TENM3: variants seen among roughly 807,000 people sequenced by gnomAD.
The protein encoded by TENM3 is teneurin-3.
In TENM3, 63 loss-of-function variants were observed where a neutral mutation model predicts 255.1. The ratio of observed to expected loss-of-function variants is 0.25; its 90% CI spans 0.20 to 0.30. The LOEUF is 0.30. Ranked by LOEUF, TENM3 falls within the 10% of genes least tolerant of loss-of-function variation. TENM3 has a pLI of 1.00. For missense variants in TENM3, 2,929 were observed against 3,461.1 expected (o/e 0.85, Z 3.86); for synonymous variants, 1,306 against 1,322.3 (o/e 0.99, Z 0.27).
chr4:182,772,361 C>G (rs1764314930), intron 22 of TENM3, among the ~76,000 whole-genome samples: 2 of 152,154 alleles, frequency 1.3e-5, no homozygotes, highest in African/African-American at 4.8e-5. Context: ...CCCTGGTAAC[C>G]TGTCTTTCTC....
chr4:182,256,389 A>T (rs1250590157), intron 1 of TENM3, among the ~76,000 whole-genome samples: 2 of 152,224 alleles, frequency 1.3e-5, no homozygotes, highest in African/African-American at 4.8e-5. Context: ...AACTGACAAA[A>T]TTGCCCCATC....
rs561419296 is a variant in TENM3, at chr4:182,434,600, T to C, written c.511+87671T>C. On this transcript the variant is annotated intron_variant, in intron 3 of 27. Transcript: ENST00000511685. The stretch of plus-strand genomic sequence containing the variant: ...ATCACTTGAACCCAGGAGGCAGAAG[T>C]TGCAGTGAGCCAAGATCGCACCACT... Among the ~76,000 whole-genome samples, 9 of 151,888 alleles carry C rather than the reference T, an allele frequency of 5.9e-5. No individual in the cohort carries two copies. The South Asian group carries it at 1.9e-3, about 32-fold the overall frequency.
At chr4:181,608,535 A>G in the TENM3 span, among the ~76,000 whole-genome samples, 1 of 151,764 alleles carries the variant, frequency 6.6e-6, no homozygotes, top group East Asian at 1.9e-4. Flanking sequence ...AGTTATTGAG[A>G]ACTAATGCCT....
At chr4:181,986,281 G>T in the TENM3 span, among the ~76,000 whole-genome samples, 1 of 151,786 alleles carries the variant, frequency 6.6e-6, no homozygotes, top group Non-Finnish European at 1.5e-5. Flanking sequence ...TTCTCTTGAA[G>T]ATCAGTGTTC....
the TENM3 span, among the ~76,000 whole-genome samples, chr4:181,618,987 G>A: frequency 6.6e-6 from 1 of 152,174 alleles, no homozygotes; most frequent in South Asian, 2.1e-4. Context: ...CATCCTGGAA[G>A]GCTGACCTTT....
the TENM3 span, among the ~76,000 whole-genome samples, chr4:181,998,163 A>G: frequency 1.3e-5 from 2 of 152,140 alleles, no homozygotes; most frequent in African/African-American, 4.8e-5. Context: ...TCATTTCCAA[A>G]TTTATGACCC....
intron 1 of TENM3, among the ~76,000 whole-genome samples, chr4:182,303,011 T>C (rs1761936383): frequency 6.6e-6 from 1 of 152,178 alleles, no homozygotes; most frequent in Non-Finnish European, 1.5e-5. Context: ...ATTTCATCAC[T>C]CTTATATGCT....
the TENM3 span, among the ~76,000 whole-genome samples, chr4:181,542,731 C>A: frequency 6.6e-6 from 1 of 152,306 alleles, no homozygotes; most frequent in Non-Finnish European, 1.5e-5. Flanking sequence ...AGAATTCATT[C>A]ATTTAAGAGC....
chr4:182,704,442 A>G (rs1758117474), intron 12 of TENM3, among the ~76,000 whole-genome samples: 1 of 152,224 alleles, frequency 6.6e-6, no homozygotes, highest in South Asian at 2.1e-4. Flanking sequence ...AGTCATCTCT[A>G]CAAAGCTCTG....
chr4:181,529,753 C>T, the TENM3 span, among the ~76,000 whole-genome samples: 57 of 152,304 alleles, frequency 3.7e-4, 2 homozygotes, highest in African/African-American at 1.3e-3. Context: ...GGCAAACATT[C>T]GCGAGATGGC....
chr4:182,128,675 A>AG, the TENM3 span, among the ~76,000 whole-genome samples: 6 of 152,250 alleles, frequency 3.9e-5, no homozygotes, highest in Non-Finnish European at 7.3e-5. Flanking sequence ...GAACGAAGTT[A>AG]GTAAATTTGA....
chr4:182,028,492 G>A, the TENM3 span, among the ~76,000 whole-genome samples: 1 of 151,884 alleles, frequency 6.6e-6, no homozygotes, highest in South Asian at 2.1e-4. Flanking sequence ...TTAATTTGGG[G>A]TTTGGCTTAC....
At chr4:181,612,073 T>A in the TENM3 span, among the ~76,000 whole-genome samples, 1 of 152,212 alleles carries the variant, frequency 6.6e-6, no homozygotes, top group Non-Finnish European at 1.5e-5. Flanking sequence ...TTCTCAGGGA[T>A]CTCGTGTTCC....
At chr4:181,944,836 C>G in the TENM3 span, among the ~76,000 whole-genome samples, 1 of 152,038 alleles carries the variant, frequency 6.6e-6, no homozygotes, top group Non-Finnish European at 1.5e-5. Context: ...CCACCACACC[C>G]CTGCAGCACC....
chr4:181,565,378 A>C, the TENM3 span, among the ~76,000 whole-genome samples: 1 of 152,374 alleles, frequency 6.6e-6, no homozygotes, highest in African/African-American at 2.4e-5. Flanking sequence ...CTTAGAGAAT[A>C]AATTTTACTG....
chr4:181,509,507 A>C, the TENM3 span, among the ~76,000 whole-genome samples: 10 of 152,156 alleles, frequency 6.6e-5, no homozygotes, highest in African/African-American at 2.4e-4. Context: ...GAAAGCTTTA[A>C]GCCTCTGAGT....
chr4:181,752,829 A>G, the TENM3 span, among the ~76,000 whole-genome samples: 3 of 152,154 alleles, frequency 2.0e-5, no homozygotes, highest in Non-Finnish European at 4.4e-5. Flanking sequence ...CATGTGATCA[A>G]GAAAAAATAA....
At chr4:182,551,939 G>A (rs1742077541) in intron 3 of TENM3, among the ~76,000 whole-genome samples, 1 of 151,450 alleles carries the variant, frequency 6.6e-6, no homozygotes, top group South Asian at 2.1e-4. Flanking sequence ...GATTGCTTGA[G>A]CCTGGGAGGT....
chr4:181,992,866 A>G, the TENM3 span, among the ~76,000 whole-genome samples: 25,102 of 152,140 alleles, frequency 0.16, 2,326 homozygotes, highest in Middle Eastern at 0.22. Flanking sequence ...GAACTTCTTG[A>G]CAGATAAAAT....
Sources: gnomAD v4.1 joint callset for allele counts (sites outside exome capture counted in the v4.1 genomes callset) on GRCh38, gnomAD v4.1.1 for gene constraint, MANE v1.5 for transcripts, NCBI Gene and HGNC (gene_info 2026-07-23, HGNC 2026-07-21) for gene names.